Variants in PARD3B observed in about 807,000 individuals in gnomAD.
The protein encoded by PARD3B is partitioning defective 3 homolog B.
PARD3B carries 103 observed loss-of-function variants against 130.2 expected under a neutral mutation model. The ratio of observed to expected loss-of-function variants is 0.79; its 90% CI spans 0.67 to 0.93. The LOEUF (loss-of-function observed/expected upper bound fraction) is 0.93, where lower values mean the gene tolerates loss of function less well. Among genes scored for constraint, PARD3B ranks in the 40% least tolerant of loss-of-function variants. The pLI is 0.00. For synonymous variants in PARD3B, 583 were observed against 553.2 expected (o/e 1.05, Z -0.76); for missense variants, 1,609 against 1,499.2 (o/e 1.07, Z -1.21).
chr2:204,762,313 C>T (rs1023716767), intron 2 of PARD3B, among the ~76,000 whole-genome samples: 2 of 151,596 alleles, frequency 1.3e-5, no homozygotes, highest in African/African-American at 4.8e-5. Flanking sequence ...GGGGTTTCAC[C>T]ATGTTAGTCA....
At chr2:205,235,765 T>TAG (rs2039035049) in intron 15 of PARD3B, among the ~76,000 whole-genome samples, 1 of 152,204 alleles carries the variant, frequency 6.6e-6, no homozygotes, top group Non-Finnish European at 1.5e-5. Flanking sequence ...TTTAATATTT[T>TAG]AGACTATGAT....
chr2:205,541,910 G>A (rs557750084), intron 21 of PARD3B, among the ~76,000 whole-genome samples: 1 of 151,810 alleles, frequency 6.6e-6, no homozygotes, highest in South Asian at 2.1e-4. Flanking sequence ...TTGGGAGGCC[G>A]AGGTGGGTGG....
intron 1 of PARD3B, 42 bp from the exon 2 acceptor site, chr2:204,686,139 A>C: frequency 3.0e-6 from 4 of 1,348,018 alleles, no homozygotes; most frequent in Non-Finnish European, 3.2e-6. Flanking sequence ...TTAACTTTTT[A>C]ACATAGATTA....
chr2:205,266,991 G>A (rs1455655385), intron 16 of PARD3B, among the ~76,000 whole-genome samples: 6 of 152,002 alleles, frequency 3.9e-5, no homozygotes, highest in Admixed American at 2.0e-4. Context: ...TAAAGAAGAA[G>A]ACAATAAAAG....
At chr2:205,380,119 ATATAT>A (rs1347035998) in intron 18 of PARD3B, among the ~76,000 whole-genome samples, 10 of 132,148 alleles carry the variant, frequency 7.6e-5, no homozygotes, top group African/African-American at 2.5e-4. Flanking sequence ...ATTATACATA[ATATAT>A]TATATATATT....
At chr2:204,702,258 C>A (rs916760787) in intron 2 of PARD3B, among the ~76,000 whole-genome samples, 1 of 151,964 alleles carries the variant, frequency 6.6e-6, no homozygotes, top group African/African-American at 2.4e-5. Context: ...GGCTATGTAC[C>A]CAATAGTGGG....
chr2:204,662,507 G>A (rs75589045), intron 1 of PARD3B, among the ~76,000 whole-genome samples: 2,849 of 152,288 alleles, frequency 0.019, 42 homozygotes, highest in Middle Eastern at 0.071. Flanking sequence ...AAAACAGCAG[G>A]TGGTTCAGCT....
At chr2:204,724,083 A>C (rs2039115310) in intron 2 of PARD3B, among the ~76,000 whole-genome samples, 1 of 152,172 alleles carries the variant, frequency 6.6e-6, no homozygotes, top group Non-Finnish European at 1.5e-5. Context: ...CAGAAATTCC[A>C]TATGCACAGC....
chr2:205,563,417 G>T lies in PARD3B; in HGVS notation c.3260+10014G>T, dbSNP rs565600967. 6.6e-6 allele frequency among the ~76,000 whole-genome samples: 1 copy of T among 152,256 alleles called. No individual in the cohort carries two copies. Among genetic ancestry groups the T allele is most frequent in the South Asian group, 2.1e-4 (1 of 4,822 alleles). On this transcript the variant is annotated intron_variant, in intron 22 of 22. Coordinates refer to ENST00000406610, the MANE Select transcript of PARD3B (RefSeq NM_001302769.2). This position sits in a 1 kb window ranked among gnomAD's most constrained non-coding sequence, Gnocchi z 4.2. ...CCTTGAAGTCACAGAATCAGAATCA[G>T]AATTCAAACCCAGGACTCTCTGGTT...
At chr2:204,750,595 C>CACAT (rs138390138) in intron 2 of PARD3B, among the ~76,000 whole-genome samples, 5,882 of 149,640 alleles carry the variant, frequency 0.039, 196 homozygotes, top group East Asian at 0.15. Context: ...CAAAAATACA[C>CACAT]ACATACATAC....
At chr2:205,095,202 G>GT (rs934529362) in intron 4 of PARD3B, among the ~76,000 whole-genome samples, 1 of 152,070 alleles carries the variant, frequency 6.6e-6, no homozygotes, top group African/African-American at 2.4e-5. Flanking sequence ...GGCTTAAGCA[G>GT]TTTTAATATA....
chr2:205,506,508 C>T (rs76506094), intron 21 of PARD3B, among the ~76,000 whole-genome samples: 2,908 of 152,198 alleles, frequency 0.019, 93 homozygotes, highest in African/African-American at 0.064. Context: ...ACGTACTTGG[C>T]CGCTGATCTG....
At chr2:205,368,552 A>G (rs1285421510) in intron 18 of PARD3B, among the ~76,000 whole-genome samples, 1 of 152,066 alleles carries the variant, frequency 6.6e-6, no homozygotes, top group Non-Finnish European at 1.5e-5. Flanking sequence ...GAATTGCTTG[A>G]ACCCAGGAGG....
chr2:205,596,523 T>C (rs561733380), intron 22 of PARD3B, among the ~76,000 whole-genome samples: 198 of 152,270 alleles, frequency 1.3e-3, no homozygotes, highest in African/African-American at 4.5e-3. Context: ...TAGCATAGAC[T>C]GAAATGAAGG....
intron 22 of PARD3B, among the ~76,000 whole-genome samples, chr2:205,602,884 T>G (rs750078289): frequency 1.3e-5 from 2 of 152,202 alleles, no homozygotes; most frequent in African/African-American, 2.4e-5. Flanking sequence ...AGATCTTCAT[T>G]ATTTCTTGCC....
chr2:205,359,952 A>T (rs1278636978), intron 18 of PARD3B, among the ~76,000 whole-genome samples: 1 of 152,180 alleles, frequency 6.6e-6, no homozygotes, highest in South Asian at 2.1e-4. Flanking sequence ...GGATAAATGC[A>T]TTTTTTAAAT....
intron 20 of PARD3B, among the ~76,000 whole-genome samples, chr2:205,445,819 G>A (rs953164703): frequency 6.6e-6 from 1 of 152,200 alleles, no homozygotes; most frequent in African/African-American, 2.4e-5. Context: ...TCCAAATACT[G>A]CTGCATGAGC....
chr2:205,363,469 G>A (rs75472782), intron 18 of PARD3B, among the ~76,000 whole-genome samples: 1,693 of 152,302 alleles, frequency 0.011, 11 homozygotes, highest in Non-Finnish European at 0.019. Flanking sequence ...ATTTAGTATA[G>A]TGCCCAGCAC....
intron 20 of PARD3B, among the ~76,000 whole-genome samples, chr2:205,494,025 G>T (rs542934654): frequency 1.3e-5 from 2 of 152,110 alleles, no homozygotes; most frequent in African/African-American, 2.4e-5. Flanking sequence ...CCTCCCAAGT[G>T]CTGGGATTAC....
Sources: allele counts gnomAD v4.1 joint callset (sites outside exome capture counted in the v4.1 genomes callset), GRCh38; gene constraint gnomAD v4.1.1; non-coding constraint Gnocchi (gnomAD v3.1); transcripts MANE v1.5; gene names NCBI Gene and HGNC (gene_info 2026-07-23, HGNC 2026-07-21).